Variants in FKBP5 observed in about 807,000 individuals in gnomAD.
FKBP5 encodes peptidyl-prolyl cis-trans isomerase FKBP5.
In FKBP5, 23 loss-of-function variants were observed where a neutral mutation model predicts 50.5. That is an observed-to-expected ratio of 0.46 (90% confidence interval 0.33 to 0.65). The LOEUF (loss-of-function observed/expected upper bound fraction) is 0.65, where lower values mean the gene tolerates loss of function less well. Ranked by LOEUF, FKBP5 falls within the 30% of genes least tolerant of loss-of-function variation. FKBP5 has a pLI of 0.02. For synonymous variants in FKBP5, 176 were observed against 190.6 expected (o/e 0.92, Z 0.63); for missense variants, 411 against 553.1 (o/e 0.74, Z 2.58).
chr6:35,627,615 G>A (rs1764038730), intron 3 of FKBP5, among the ~76,000 whole-genome samples: 1 of 152,104 alleles, frequency 6.6e-6, no homozygotes, highest in Admixed American at 6.5e-5. Flanking sequence ...TTTTAATTTT[G>A]ATGTATTCTA....
At chr6:35,634,611 T>A (rs1764254289) in intron 3 of FKBP5, among the ~76,000 whole-genome samples, 2 of 152,140 alleles carry the variant, frequency 1.3e-5, no homozygotes, top group Admixed American at 6.6e-5. Context: ...CTTACTATAT[T>A]TCCTTTCCAG....
At chr6:35,703,347 G>A (rs1013816833) in intron 2 of FKBP5, among the ~76,000 whole-genome samples, 3 of 152,050 alleles carry the variant, frequency 2.0e-5, no homozygotes, top group African/African-American at 7.3e-5. Flanking sequence ...GGGAGGCGGA[G>A]GTTGTAGTGG....
intron 2 of FKBP5, among the ~76,000 whole-genome samples, chr6:35,719,342 G>A (rs1159780599): frequency 3.3e-5 from 5 of 152,180 alleles, no homozygotes; most frequent in African/African-American, 1.2e-4. Context: ...AAGGGGGCAC[G>A]AAGGAATTTG....
At chr6:35,718,188 G>A (rs1278878105) in intron 2 of FKBP5, among the ~76,000 whole-genome samples, 7 of 152,166 alleles carry the variant, frequency 4.6e-5, no homozygotes, top group Non-Finnish European at 8.8e-5. Context: ...GAAGGAAGTG[G>A]TAGGGGAAAG....
At chr6:35,665,248 C>T (rs1428838754) in intron 1 of FKBP5, among the ~76,000 whole-genome samples, 2 of 151,970 alleles carry the variant, frequency 1.3e-5, no homozygotes, top group African/African-American at 4.8e-5. Context: ...CAAACCAGCA[C>T]TCAGGGTCTT....
At chr6:35,611,829 A>C (rs1448169394) in intron 5 of FKBP5, among the ~76,000 whole-genome samples, 1 of 152,248 alleles carries the variant, frequency 6.6e-6, no homozygotes, top group Non-Finnish European at 1.5e-5. Flanking sequence ...TTGAGAAAGA[A>C]TAAATCCCAT....
chr6:35,722,129 C>G (rs1766622176), intron 1 of FKBP5, among the ~76,000 whole-genome samples: 1 of 152,090 alleles, frequency 6.6e-6, no homozygotes, highest in Non-Finnish European at 1.5e-5. Flanking sequence ...TATTCATTTT[C>G]TTCTTTGCAC....
chr6:35,585,782 T>C (rs186838711), intron 8 of FKBP5: 5 of 985,362 alleles, frequency 5.1e-6, no homozygotes, highest in East Asian at 1.1e-4. Flanking sequence ...TTATAACATA[T>C]TGCAATACAC....
chr6:35,677,429 A>G (rs575432011), intron 1 of FKBP5, among the ~76,000 whole-genome samples: 2 of 152,358 alleles, frequency 1.3e-5, no homozygotes, highest in East Asian at 3.9e-4. Context: ...GAGACATGGG[A>G]TAAGAAGAGA....
At chr6:35,607,772 G>C (rs1029416079) in intron 5 of FKBP5, 2 of 219,870 alleles carry the variant, frequency 9.1e-6, no homozygotes, top group African/African-American at 4.7e-5. Context: ...AGAGCTGTGT[G>C]GCTTCACCCC....
intron 2 of FKBP5, among the ~76,000 whole-genome samples, chr6:35,705,240 ATATATATATATATATATAT>A (rs1362018789): frequency 5.1e-4 from 18 of 35,168 alleles, no homozygotes; most frequent in East Asian, 4.9e-3. Flanking sequence ...ATATATATAT[ATATATATATATATATATAT>A]TTTTTTTTTT....
intron 6 of FKBP5, among the ~76,000 whole-genome samples, chr6:35,596,390 G>A (rs986391081): frequency 3.9e-5 from 6 of 151,912 alleles, no homozygotes; most frequent in African/African-American, 1.5e-4. Flanking sequence ...TCAAGTGCTG[G>A]GGCAAAGGTA....
chr6:35,613,506 G>A (rs970423848), intron 5 of FKBP5, among the ~76,000 whole-genome samples: 2 of 151,944 alleles, frequency 1.3e-5, no homozygotes, highest in Admixed American at 6.6e-5. Context: ...GTGAGCCACC[G>A]CACCTGGCCT....
rs571872483 is a variant in FKBP5, at chr6:35,584,890, C to T, written c.840+2144G>A. The T allele has an allele frequency of 2.0e-4, 193 of 985,412 alleles. No homozygotes were observed. The African/African-American group carries it at 3.0e-3, about 15-fold the overall frequency. The allele number at this position is 985,412 out of a possible 1,614,324, so 61.0% of individuals were successfully genotyped here. On this transcript the variant is annotated intron_variant, in intron 8 of 10. Transcript: ENST00000357266. ...TAGGTTCATAATAGTATCACTCTTGCAGTTGTGATGCTGATAAGCAACAAA... is the reference window on the plus strand; with the variant it reads ...TAGGTTCATAATAGTATCACTCTTGTAGTTGTGATGCTGATAAGCAACAAA...
intron 5 of FKBP5, among the ~76,000 whole-genome samples, chr6:35,609,206 C>T (rs987073480): frequency 6.6e-6 from 1 of 151,918 alleles, no homozygotes; most frequent in African/African-American, 2.4e-5. Context: ...GTTTCTTATG[C>T]CTTGAGTTGT....
intron 7 of FKBP5, among the ~76,000 whole-genome samples, chr6:35,589,408 C>T (rs1035686905): frequency 1.1e-4 from 17 of 152,106 alleles, no homozygotes; most frequent in Non-Finnish European, 1.8e-4. Context: ...GGATTACAGG[C>T]GTGAGCCACA....
intron 2 of FKBP5, among the ~76,000 whole-genome samples, chr6:35,715,820 G>T (rs1200572320): frequency 6.6e-6 from 1 of 152,216 alleles, no homozygotes; most frequent in African/African-American, 2.4e-5. Context: ...AGATCATTCT[G>T]GCATCCATGT....
chr6:35,674,065 T>C (rs1470163209), intron 1 of FKBP5, among the ~76,000 whole-genome samples: 1 of 152,200 alleles, frequency 6.6e-6, no homozygotes, highest in Non-Finnish European at 1.5e-5. Flanking sequence ...TTCCACCTTA[T>C]GGCTTGATGA....
upstream of FKBP5, among the ~76,000 whole-genome samples, chr6:35,693,271 T>G (rs1766027841): frequency 6.9e-6 from 1 of 143,918 alleles, no homozygotes; most frequent in Non-Finnish European, 1.5e-5. Context: ...CACACCATTC[T>G]CCTGCTTCAG....
Sources: allele counts gnomAD v4.1 joint callset (sites outside exome capture counted in the v4.1 genomes callset), GRCh38; gene constraint gnomAD v4.1.1; transcripts MANE v1.5; gene names NCBI Gene and HGNC (gene_info 2026-07-23, HGNC 2026-07-21).